ROBO1: variants seen among roughly 807,000 people sequenced by gnomAD.
ROBO1 encodes roundabout guidance receptor 1.
In ROBO1, 149 loss-of-function variants were observed where a neutral mutation model predicts 195.9. That is an observed-to-expected ratio of 0.76 (90% CI 0.67 to 0.87). The LOEUF (loss-of-function observed/expected upper bound fraction) is 0.87, where lower values mean the gene tolerates loss of function less well. Among genes scored for constraint, ROBO1 ranks in the 40% least tolerant of loss-of-function variants. ROBO1 has a pLI of 0.00. For synonymous variants in ROBO1, 816 were observed against 733.2 expected (o/e 1.11, Z -1.82); for missense variants, 1,933 against 2,068.3 (o/e 0.93, Z 1.27).
chr3:79,673,361 C>T (rs1385616684), intron 1 of ROBO1, among the ~76,000 whole-genome samples: 8 of 151,496 alleles, frequency 5.3e-5, no homozygotes, highest in African/African-American at 1.7e-4. Context: ...ATTTTTAGAT[C>T]GTAACCAGTA....
chr3:79,537,810 T>C (rs772540042), intron 2 of ROBO1, among the ~76,000 whole-genome samples: 171 of 151,870 alleles, frequency 1.1e-3, no homozygotes, highest in Non-Finnish European at 3.5e-4. Flanking sequence ...AGGTGATGGG[T>C]TGACAGGTGC....
chr3:79,212,960 T>C lies in ROBO1; in HGVS notation c.89-87421A>G, dbSNP rs538197107. 5.9e-5 allele frequency among the ~76,000 whole-genome samples: 9 copies of C among 152,278 alleles called. No homozygotes were observed. In the East Asian group the frequency reaches 1.7e-3, roughly 29 times the overall value. On this transcript the variant is annotated intron_variant, in intron 2 of 30. Transcript: ENST00000464233. ...GAACGCCAATTTAATTCCTCCAGTC[T>C]CATTAAATCCTAAAGAAAAATTATT... is the stretch of plus-strand genomic sequence containing the variant.
At chr3:78,671,701 G>A (rs1385476476) in intron 10 of ROBO1, among the ~76,000 whole-genome samples, 1 of 152,062 alleles carries the variant, frequency 6.6e-6, no homozygotes, top group African/African-American at 2.4e-5. Flanking sequence ...GGTTACCAGG[G>A]TGAAATTTGC....
chr3:79,011,192 A>C (rs2077767473), intron 3 of ROBO1, among the ~76,000 whole-genome samples: 1 of 152,194 alleles, frequency 6.6e-6, no homozygotes, highest in Non-Finnish European at 1.5e-5. Context: ...GAGCAAGGAC[A>C]ATTTTAGTGA....
intron 3 of ROBO1, among the ~76,000 whole-genome samples, chr3:78,979,637 C>T (rs1010159686): frequency 2.6e-5 from 4 of 152,008 alleles, no homozygotes; most frequent in Non-Finnish European, 5.9e-5. Flanking sequence ...AGCTTTCAAC[C>T]CCCTTTACTA....
chr3:79,574,348 A>G (rs999728482), intron 2 of ROBO1, among the ~76,000 whole-genome samples: 1 of 151,760 alleles, frequency 6.6e-6, no homozygotes, highest in African/African-American at 2.4e-5. Context: ...CGTGCACCTA[A>G]CCCTTTTCCT....
chr3:79,526,736 G>A (rs1292706130), intron 2 of ROBO1, among the ~76,000 whole-genome samples: 2 of 152,152 alleles, frequency 1.3e-5, no homozygotes, highest in African/African-American at 4.8e-5. Context: ...CAGTGACTTA[G>A]CTTTTTCGAC....
At chr3:79,329,442 A>G (rs1243013613) in intron 2 of ROBO1, among the ~76,000 whole-genome samples, 1 of 152,224 alleles carries the variant, frequency 6.6e-6, no homozygotes, top group Non-Finnish European at 1.5e-5. Flanking sequence ...GAAGTTAAAA[A>G]TCCTGGTTCT....
chr3:79,438,280 C>T (rs11917079), intron 2 of ROBO1, among the ~76,000 whole-genome samples: 61,023 of 151,284 alleles, frequency 0.4, 12,491 homozygotes, highest in Admixed American at 0.51. Flanking sequence ...CTTGATCTTG[C>T]AGGACTGTTG....
intron 3 of ROBO1, among the ~76,000 whole-genome samples, chr3:79,032,861 G>A (rs2078320729): frequency 1.3e-5 from 2 of 151,988 alleles, no homozygotes; most frequent in Admixed American, 6.6e-5. Flanking sequence ...CCTATGAAAT[G>A]TTTCAATTGG....
At chr3:78,828,226 C>CATA (rs1215876065) in intron 4 of ROBO1, among the ~76,000 whole-genome samples, 1 of 152,062 alleles carries the variant, frequency 6.6e-6, no homozygotes, top group African/African-American at 2.4e-5. Context: ...TCATTTTCTG[C>CATA]AAGTTGATTT....
rs374497750 is a variant in ROBO1, at chr3:79,621,062, A to T, written c.-50-31101T>A. 4.6e-5 allele frequency among the ~76,000 whole-genome samples: 7 copies of T among 152,140 alleles called. No homozygotes were observed. The East Asian group carries it at 1.4e-3, about 30-fold the overall frequency. On this transcript the variant is annotated intron_variant, in intron 1 of 30. Transcript: ENST00000464233. The stretch of plus-strand genomic sequence containing the variant: ...CATTATTCTGTTCTAGATATCAAAC[A>T]TGCTTTCTTTACTATTCCTGTACAC...
intron 2 of ROBO1, among the ~76,000 whole-genome samples, chr3:79,303,159 GGTTTTTTTTTTTTTTT>G (rs1024997183): frequency 1.4e-5 from 1 of 72,090 alleles, no homozygotes; most frequent in Non-Finnish European, 2.4e-5. Flanking sequence ...ATCTCACATA[GGTTTTTTTTTTTTTTT>G]TTTTTTTTGG....
chr3:78,974,519 A>T (rs959655273), intron 3 of ROBO1, among the ~76,000 whole-genome samples: 2 of 152,160 alleles, frequency 1.3e-5, no homozygotes, highest in Non-Finnish European at 2.9e-5. Context: ...CAATATACGA[A>T]AAAAAGAAAG....
chr3:79,371,040 G>T (rs182491629), intron 2 of ROBO1, among the ~76,000 whole-genome samples: 2 of 152,136 alleles, frequency 1.3e-5, no homozygotes, highest in East Asian at 3.9e-4. Context: ...TGGCTGCACA[G>T]TATTCCATGG....
intron 4 of ROBO1, among the ~76,000 whole-genome samples, chr3:78,791,537 A>G (rs532898971): frequency 6.9e-4 from 105 of 152,292 alleles, no homozygotes; most frequent in African/African-American, 2.4e-3. Context: ...TCGCTGAGAC[A>G]GGCTTCGTCG....
chr3:79,172,512 GTCCTTCAAAGA>G (rs1233217041), intron 2 of ROBO1, among the ~76,000 whole-genome samples: 2 of 152,158 alleles, frequency 1.3e-5, no homozygotes, highest in East Asian at 3.9e-4. Flanking sequence ...TGATTTCAAA[GTCCTTCAAAGA>G]TGGATTATCA....
In ROBO1 at chr3:78,938,706, T is replaced by C. The variant is rs1429378068; in HGVS notation, c.394A>G (p.Ile132Val). 1 of 1,613,984 alleles carries C rather than the reference T, an allele frequency of 6.2e-7. No homozygotes were observed. The highest frequency in any genetic ancestry group is 8.5e-7 in the Non-Finnish European group (1 of 1,179,876). Residue 132 changes from isoleucine (I) to valine (V), a missense_variant, in exon 4 of 31, where the codon ATA (isoleucine) becomes GTA (valine). Ile to Val is a conservative substitution (Grantham distance 29). Around this residue, in one of 3 missense-constraint regions of ROBO1, gnomAD observed 11 missense variants for 26.2 expected, o/e 0.42. Coordinates refer to ENST00000464233, the MANE Select transcript of ROBO1 (RefSeq NM_002941.4). ...GGTCTACTTTTCCGTCCATGTACTA[T>C]ACGTAAGAAAAATAAAGATCCACTC... ...LPSGSLFFLRIVHGRKSRPDE... is the reference protein window; with the variant it reads ...LPSGSLFFLRVVHGRKSRPDE...
At chr3:79,104,289 T>C (rs1273879698) in intron 3 of ROBO1, among the ~76,000 whole-genome samples, 1 of 151,858 alleles carries the variant, frequency 6.6e-6, no homozygotes, top group Non-Finnish European at 1.5e-5. Flanking sequence ...CAAGTTAGTG[T>C]TGGTTAAGTT....
Sources: gnomAD v4.1 joint callset for allele counts (sites outside exome capture counted in the v4.1 genomes callset) on GRCh38, gnomAD v4.1.1 for gene constraint, gnomAD v4.1.1 regional missense constraint, MANE v1.5 for transcripts, NCBI Gene and HGNC (gene_info 2026-07-23, HGNC 2026-07-21) for gene names.